The following PSKH1 variants were observed in gnomAD, a reference collection of about 807,000 sequenced individuals.
PSKH1 encodes protein serine kinase H1, also known as serine/threonine-protein kinase H1.
Under a neutral mutation model 26.7 loss-of-function variants are expected in PSKH1, and 12 were observed. The ratio of observed to expected loss-of-function variants is 0.45; its 90% CI spans 0.29 to 0.73. PSKH1 has a LOEUF of 0.73. Ranked by LOEUF, PSKH1 falls within the 30% of genes least tolerant of loss-of-function variation. PSKH1 has a pLI of 0.11. For synonymous variants in PSKH1, 213 were observed against 234.3 expected, an observed-to-expected ratio of 0.91 and a Z score of 0.83; for missense variants, 431 against 595.2, an observed-to-expected ratio of 0.72 and a Z score of 2.87.
At chr16:67,921,281 G>GA (rs1028299436) in intron 2 of PSKH1, among the ~76,000 whole-genome samples, 57 of 144,622 alleles carry the variant, frequency 3.9e-4, no homozygotes, top group African/African-American at 1.2e-3. Flanking sequence ...CTCAAAAAAA[G>GA]AAAAAAAAAA....
Position 67,927,537 on chromosome 16 carries a change from G to C in PSKH1, c.1170G>C (p.Gln390His), listed in dbSNP as rs766265181. 12 of 1,614,030 alleles carry C rather than the reference G, an allele frequency of 7.4e-6. No individual in the cohort carries two copies. The highest frequency in any genetic ancestry group is 1.0e-5 in the Non-Finnish European group (12 of 1,180,052). Residue 390 changes from glutamine (Q) to histidine (H), a missense_variant, in exon 3 of 3, where the codon CAG becomes CAC. Physicochemically the swap from Gln to His is conservative, Grantham distance 24. Transcript: ENST00000291041. The surrounding 1 kb of genome is among the most constrained non-coding windows in gnomAD (Gnocchi z 5.5). ...SSRCQSTKSA[Q>H]STRSSRSTRS... ...GCTGCCAGAGCACCAAATCTGCCCA[G>C]TCCACGCGTTCCAGCCGCTCCACAC... is the stretch of plus-strand genomic sequence containing the variant.
intron 2 of PSKH1, among the ~76,000 whole-genome samples, chr16:67,915,220 T>C (rs943705356): frequency 2.0e-5 from 3 of 151,782 alleles, no homozygotes; most frequent in Non-Finnish European, 4.4e-5. Context: ...TGTGTGTGTG[T>C]GTGTGTGTGT....
At chr16:67,913,531 G>GCAAC (rs2058178969) in intron 2 of PSKH1, among the ~76,000 whole-genome samples, 1 of 152,168 alleles carries the variant, frequency 6.6e-6, no homozygotes, top group Admixed American at 6.5e-5. Context: ...ATGCCAGGTT[G>GCAAC]CTGGCAGGAG....
At chr16:67,902,600 CT>C (rs1300692706) in intron 1 of PSKH1, among the ~76,000 whole-genome samples, 3 of 152,092 alleles carry the variant, frequency 2.0e-5, no homozygotes, top group Non-Finnish European at 4.4e-5. Flanking sequence ...CCAGCCAGGC[CT>C]TTTCTTTTAT....
intron 1 of PSKH1, among the ~76,000 whole-genome samples, chr16:67,907,575 TGAATGAAGACCAGGC>T (rs900154086): frequency 3.3e-5 from 5 of 152,204 alleles, no homozygotes; most frequent in African/African-American, 1.2e-4. Flanking sequence ...CTCTGACTCT[TGAATGAAGACCAGGC>T]GAGTTTTGCA....
chr16:67,903,009 CTTTG>C (rs902090112), intron 1 of PSKH1: 1 of 152,096 alleles, frequency 6.6e-6, no homozygotes, highest in African/African-American at 2.4e-5. Flanking sequence ...TTCTAAATGC[CTTTG>C]TTTAACATTA....
chr16:67,904,664 T>C (rs1358204180), intron 1 of PSKH1, among the ~76,000 whole-genome samples: 1 of 151,816 alleles, frequency 6.6e-6, no homozygotes, highest in Non-Finnish European at 1.5e-5. Flanking sequence ...TTTAATCTTG[T>C]AGGGACAGGG....
At position 67,911,121 on chromosome 16, in the gene PSKH1, G is replaced by A. The variant is rs779780995; in HGVS notation, c.957+1415G>A. 1.3e-4 allele frequency among the ~76,000 whole-genome samples: 20 copies of A among 152,252 alleles called. 1 individual carries two copies. Among genetic ancestry groups the A allele is most frequent in the Non-Finnish European group, 2.2e-4 (15 of 68,044 alleles). ...GGTGTGCTGGGAAGGCTGTGAAGAA[G>A]AGAGTCTGTGTCGGCTTTATGTGGG... On this transcript the variant is annotated intron_variant, in intron 2 of 2. Coordinates refer to ENST00000291041, the MANE Select transcript of PSKH1 (RefSeq NM_006742.3).
intron 1 of PSKH1, among the ~76,000 whole-genome samples, chr16:67,902,631 G>A (rs2058145213): frequency 1.3e-5 from 2 of 152,058 alleles, no homozygotes; most frequent in African/African-American, 4.8e-5. Flanking sequence ...GTTTTTCCCT[G>A]AGGACCAGAC....
intron 2 of PSKH1, among the ~76,000 whole-genome samples, chr16:67,923,069 C>T (rs1210928591): frequency 4.6e-5 from 7 of 152,136 alleles, no homozygotes; most frequent in Non-Finnish European, 7.4e-5. Context: ...AGGGTTGGTG[C>T]GGGGGGTCCT....
chr16:67,912,349 A>C (rs1388401213), intron 2 of PSKH1, among the ~76,000 whole-genome samples: 1 of 152,244 alleles, frequency 6.6e-6, no homozygotes, highest in Non-Finnish European at 1.5e-5. Context: ...TTTGGTTCCC[A>C]GCATCATCAT....
At chr16:67,914,571 C>T (rs1299303960) in intron 2 of PSKH1, among the ~76,000 whole-genome samples, 2 of 152,156 alleles carry the variant, frequency 1.3e-5, no homozygotes, top group Non-Finnish European at 2.9e-5. Flanking sequence ...TCTCCTGCCT[C>T]AGCCTCCCGA....
intron 1 of PSKH1, among the ~76,000 whole-genome samples, chr16:67,902,226 C>T (rs566010797): frequency 2.0e-5 from 3 of 150,302 alleles, no homozygotes; most frequent in African/African-American, 2.5e-5. Context: ...TGCCACTGCA[C>T]GCCAACTTAG....
At chr16:67,912,403 G>A (rs997585762) in intron 2 of PSKH1, among the ~76,000 whole-genome samples, 4 of 152,182 alleles carry the variant, frequency 2.6e-5, no homozygotes, top group Non-Finnish European at 5.9e-5. Context: ...ACTGGGAAGA[G>A]TGAGAGGAGC....
intron 1 of PSKH1, among the ~76,000 whole-genome samples, chr16:67,897,280 T>C (rs771765756): frequency 1.3e-5 from 2 of 152,192 alleles, no homozygotes; most frequent in Non-Finnish European, 2.9e-5. Context: ...GAGAGACTTA[T>C]TTATTTGAAC....
chr16:67,894,535 C>G (rs1421569000), intron 1 of PSKH1, among the ~76,000 whole-genome samples: 1 of 152,224 alleles, frequency 6.6e-6, no homozygotes, highest in Non-Finnish European at 1.5e-5. Context: ...AAACTTACAT[C>G]TGTCCTATAA....
intron 1 of PSKH1, among the ~76,000 whole-genome samples, chr16:67,904,230 C>G (rs749775826): frequency 1.5e-4 from 22 of 151,714 alleles, no homozygotes; most frequent in Non-Finnish European, 2.5e-4. Context: ...GAGACTGAGT[C>G]TCACTCTGTC....
chr16:67,927,965 C>T lies in PSKH1; in HGVS notation c.*323C>T, dbSNP rs2058223023. ...ACCTGGCCTTCACTGTCTCCCTTGC[C>T]CTTTGACTTTTCCCCAATCAAAGGG... is the stretch of plus-strand genomic sequence containing the variant. On this transcript the variant is annotated 3_prime_UTR_variant, in exon 3 of 3. Coordinates refer to ENST00000291041, the MANE Select transcript of PSKH1 (RefSeq NM_006742.3). This position sits in a 1 kb window ranked among gnomAD's most constrained non-coding sequence, Gnocchi z 5.5. 8.1e-6 allele frequency: 3 copies of T among 369,224 alleles called. No individual in the cohort carries two copies. Among genetic ancestry groups the T allele is most frequent in the Admixed American group, 4.3e-5 (1 of 23,050 alleles). The allele number at this position is 369,224 out of a possible 1,614,324, so 22.9% of individuals were successfully genotyped here. A position where few individuals can be genotyped will look rare whatever the true frequency, so the allele number is the denominator to read the frequency against.
chr16:67,921,824 T>C (rs760467401), intron 2 of PSKH1, among the ~76,000 whole-genome samples: 1 of 152,140 alleles, frequency 6.6e-6, no homozygotes, highest in Non-Finnish European at 1.5e-5. Context: ...GTGTCCTGTC[T>C]CTCTCCTCTC....
Sources: gnomAD v4.1 joint callset for allele counts (sites outside exome capture counted in the v4.1 genomes callset) on GRCh38, gnomAD v4.1.1 for gene constraint, Gnocchi (gnomAD v3.1) non-coding constraint, MANE v1.5 for transcripts, NCBI Gene and HGNC (gene_info 2026-07-23, HGNC 2026-07-21) for gene names.